Variants in PES1 observed in about 807,000 individuals in gnomAD.
PES1 encodes the protein pescadillo ribosomal biogenesis factor 1.
A neutral mutation model predicts 77.1 loss-of-function variants in PES1; 31 were observed. The ratio of observed to expected loss-of-function variants is 0.40; its 90% CI spans 0.30 to 0.54. The LOEUF (loss-of-function observed/expected upper bound fraction) is 0.54. PES1 is among the 20% of genes least tolerant of loss of function. The probability of loss-of-function intolerance (pLI) is 0.45; values close to 1 mark genes in which losing one functional copy is unlikely to be tolerated. For missense variants in PES1, 658 were observed against 771.7 expected, an observed-to-expected ratio of 0.85 and a Z score of 1.75; for synonymous variants, 282 against 303.0, an observed-to-expected ratio of 0.93 and a Z score of 0.72.
In PES1 at chr22:30,596,962, C is replaced by A. The variant is rs993421222; in HGVS notation, c.-660-4564G>T. On this transcript the variant is annotated intron_variant, in intron 2 of 16. Transcript: ENST00000402281. Reference sequence around the variant, plus strand: ...GCGGGCCCGCACTCGGAGAAGCCAGCCGGCCGGCCCCGCTGGCCACGGGCA... The same window carrying A: ...GCGGGCCCGCACTCGGAGAAGCCAGACGGCCGGCCCCGCTGGCCACGGGCA... 3.5e-4 allele frequency among the ~76,000 whole-genome samples: 53 copies of A among 152,080 alleles called. 4 individuals are homozygous for A. Among genetic ancestry groups the A allele is most frequent in the Admixed American group, 1.4e-3 (21 of 15,238 alleles).
At chr22:30,587,878 C>T (rs2087115866) in intron 3 of PES1, 143 bp downstream of exon 3, 1 of 801,938 alleles carries the variant, frequency 1.2e-6, no homozygotes, top group Non-Finnish European at 2.0e-6. Flanking sequence ...GACCTCTTCC[C>T]TCCAAGTACT....
upstream of PES1, chr22:30,592,462 T>C (rs1328672400): frequency 3.4e-5 from 32 of 953,410 alleles, no homozygotes; most frequent in Admixed American, 1.2e-4. Context: ...AGGCCACTTA[T>C]ATTTTCTGAG....
chr22:30,590,287 A>C (rs2087157400), intron 1 of PES1, among the ~76,000 whole-genome samples: 1 of 152,192 alleles, frequency 6.6e-6, no homozygotes, highest in South Asian at 2.1e-4. Context: ...AGTGCACTGT[A>C]ACAAATACCC....
At chr22:30,597,440 G>A (rs1298940502) in intron 2 of PES1, among the ~76,000 whole-genome samples, 1 of 151,586 alleles carries the variant, frequency 6.6e-6, no homozygotes, top group Non-Finnish European at 1.5e-5. Context: ...TCAGCACCCT[G>A]TGTCTAGCTC....
At chr22:30,592,813 A>G (rs1261869855), upstream of PES1, among the ~76,000 whole-genome samples, 6 of 152,310 alleles carry the variant, frequency 3.9e-5, no homozygotes, top group East Asian at 1.2e-3. Flanking sequence ...AAATAAATAA[A>G]TAAAATTAAA....
upstream of PES1, among the ~76,000 whole-genome samples, chr22:30,595,525 TGA>T (rs2087240966): frequency 8.3e-6 from 1 of 120,222 alleles, no homozygotes; most frequent in African/African-American, 3.3e-5. Flanking sequence ...GCGACAAGAG[TGA>T]GACAGTGTCT....
chr22:30,597,944 C>A (rs990158206), intron 2 of PES1, among the ~76,000 whole-genome samples: 1 of 130,032 alleles, frequency 7.7e-6, no homozygotes. Context: ...AGTGCAGTGG[C>A]GGCATCTCGG....
intron 3 of PES1, 21 bp from the exon 4 acceptor site, chr22:30,587,416 A>G (rs1274267864): frequency 2.6e-6 from 4 of 1,566,736 alleles, no homozygotes; most frequent in South Asian, 2.2e-5. Context: ...GAAAGAAAAC[A>G]CCTCAATGCT....
In PES1 at chr22:30,581,383, G is replaced by A; in HGVS notation, c.773C>T (p.Ala258Val). ...PKLEGQAQAEAKAGEGTYALD... is the reference protein window; with the variant it reads ...PKLEGQAQAEVKAGEGTYALD... ...CGCGTAGGTGCCCTCACCGGCCTTT[G>A]CCTCTGCTTGGGCCTGACCCTCGAG... The change falls in exon 8 of 15, where the codon GCA becomes GTA. Residue 258 changes from alanine (A) to valine (V), a missense_variant. Physicochemically the swap from Ala to Val is moderately conservative, Grantham distance 64. Transcript: ENST00000354694. 5 of 1,613,790 alleles carry A rather than the reference G, an allele frequency of 3.1e-6. No individual in the cohort carries two copies. Among genetic ancestry groups the A allele is most frequent in the African/African-American group, 1.3e-5 (1 of 75,066 alleles).
At position 30,579,748 on chromosome 22, in the gene PES1, C is replaced by A; in HGVS notation, c.1354+3G>T. ...AAGGCCAGCCCAGTCCCATCCCGCTCACCTGGGTCCTCTCCCCGCTGCAGA... is the reference window on the plus strand; with the variant it reads ...AAGGCCAGCCCAGTCCCATCCCGCTAACCTGGGTCCTCTCCCCGCTGCAGA... On this transcript the variant is annotated splice_donor_region_variant and intron_variant, in intron 12 of 14. Coordinates refer to ENST00000354694, the MANE Select transcript of PES1 (RefSeq NM_014303.4). The A allele has an allele frequency of 6.2e-7, 1 of 1,613,568 alleles. No homozygotes were observed. The highest frequency in any genetic ancestry group is 2.2e-5 in the East Asian group (1 of 44,882).
intron 2 of PES1, 134 bp downstream of exon 2, chr22:30,589,057 A>C (rs1164408621): frequency 1.5e-6 from 1 of 645,584 alleles, no homozygotes; most frequent in East Asian, 2.8e-5. Context: ...AACTCACTAA[A>C]GCAAGGGCGG....
chr22:30,596,518 T>A (rs931184926), upstream of PES1, among the ~76,000 whole-genome samples: 4 of 151,914 alleles, frequency 2.6e-5, no homozygotes, highest in Non-Finnish European at 5.9e-5. Context: ...AAAAAGATTT[T>A]AAAAATCAAA....
chr22:30,591,729 A>C (rs1307369945), intron 1 of PES1, 81 bp downstream of exon 1: 21 of 1,452,090 alleles, frequency 1.4e-5, no homozygotes, highest in Non-Finnish European at 2.0e-5. Context: ...CACGAGACGG[A>C]GCCCGGGAAA....
intron 1 of PES1, among the ~76,000 whole-genome samples, chr22:30,590,876 T>C (rs1222450486): frequency 6.6e-6 from 1 of 152,202 alleles, no homozygotes. Flanking sequence ...TATCTACATC[T>C]GCAACTCAAG....
intron 8 of PES1, 95 bp downstream of exon 8, chr22:30,581,239 A>T: frequency 1.4e-6 from 2 of 1,440,964 alleles, no homozygotes; most frequent in South Asian, 2.4e-5. Context: ...CCACCTAGCC[A>T]TAACCACCCC....
chr22:30,584,028 T>G (rs886201825), intron 6 of PES1, among the ~76,000 whole-genome samples: 1 of 152,240 alleles, frequency 6.6e-6, no homozygotes, highest in African/African-American at 2.4e-5. Context: ...GCATGCAGGC[T>G]GGGTATGGCC....
chr22:30,591,016 T>C (rs2087167722), intron 1 of PES1, among the ~76,000 whole-genome samples: 3 of 152,146 alleles, frequency 2.0e-5, no homozygotes, highest in Admixed American at 2.0e-4. Flanking sequence ...CAACTATATA[T>C]TCCTCATTCC....
intron 1 of PES1, among the ~76,000 whole-genome samples, chr22:30,605,995 C>A (rs907933921): frequency 6.6e-6 from 1 of 152,134 alleles, no homozygotes; most frequent in Non-Finnish European, 1.5e-5. Context: ...CTTGCCTAAC[C>A]CTCTCTTCTC....
chr22:30,588,487 G>A (rs1030586232), intron 2 of PES1, among the ~76,000 whole-genome samples: 1 of 152,180 alleles, frequency 6.6e-6, no homozygotes, highest in African/African-American at 2.4e-5. Flanking sequence ...GAATAAAAGT[G>A]GACCAGGTGG....
Sources: allele counts gnomAD v4.1 joint callset (sites outside exome capture counted in the v4.1 genomes callset), GRCh38; gene constraint gnomAD v4.1.1; transcripts MANE v1.5; gene names NCBI Gene and HGNC (gene_info 2026-07-23, HGNC 2026-07-21).